LRIG1: variants seen among roughly 807,000 people sequenced by gnomAD.
LRIG1 encodes leucine rich repeats and immunoglobulin like domains 1.
Under a neutral mutation model 99.2 loss-of-function variants are expected in LRIG1, and 48 were observed. The observed-to-expected ratio is 0.48, with a 90% CI of 0.38 to 0.62. LRIG1 has a LOEUF of 0.62. Ranked by LOEUF, LRIG1 falls within the 20% of genes least tolerant of loss-of-function variation. The pLI, the probability that LRIG1 is intolerant of heterozygous loss-of-function variation, is 0.00. For missense variants in LRIG1, 1,646 were observed against 1,434.4 expected (o/e 1.15, Z -2.38); for synonymous variants, 772 against 596.1 (o/e 1.29, Z -4.30).
chr3:66,411,229 C>T (rs1479658714), intron 6 of LRIG1, among the ~76,000 whole-genome samples: 3 of 152,198 alleles, frequency 2.0e-5, no homozygotes, highest in African/African-American at 4.8e-5. Context: ...GTCCGTAACC[C>T]GAATTTTGCT....
intron 13 of LRIG1, among the ~76,000 whole-genome samples, chr3:66,385,225 C>G (rs888369603): frequency 1.3e-5 from 2 of 152,132 alleles, no homozygotes; most frequent in Non-Finnish European, 2.9e-5. Context: ...AAAAACCTGT[C>G]AACTGCCAGG....
At chr3:66,441,618 A>G (rs1026222711) in intron 3 of LRIG1, among the ~76,000 whole-genome samples, 2 of 152,188 alleles carry the variant, frequency 1.3e-5, no homozygotes, top group Non-Finnish European at 2.9e-5. Context: ...ACGCAGCACC[A>G]CTTTGGGAGA....
At chr3:66,405,160 C>G in intron 9 of LRIG1, 38 bp downstream of exon 9, 1 of 1,585,756 alleles carries the variant, frequency 6.3e-7, no homozygotes. Context: ...GTGTGTCCCG[C>G]GCATTTGCCG....
Position 66,379,523 on chromosome 3 carries a change from G to GTT in LRIG1, c.*738_*739dup, listed in dbSNP as rs1427133511. On this transcript the variant is annotated 3_prime_UTR_variant, in exon 19 of 19. Transcript: ENST00000273261. ...AAATAAGAGGAGGAGGAAAGGCAGTGTTTAACTGTTCTGACCTTTTGCTTG... is the reference window on the plus strand; with the variant it reads ...AAATAAGAGGAGGAGGAAAGGCAGTGTTTTTAACTGTTCTGACCTTTTGCTTG... 6.6e-6 allele frequency: 1 copy of GTT among 152,140 alleles called. No individual in the cohort carries two copies. Among genetic ancestry groups the GTT allele is most frequent in the Admixed American group, 6.5e-5 (1 of 15,284 alleles). 9.4% of individuals were successfully genotyped at this position (152,140 alleles called of 1,614,324 possible).
At chr3:66,405,987 C>T (rs1702255169) in intron 8 of LRIG1, 1 of 992,280 alleles carries the variant, frequency 1.0e-6, no homozygotes, top group African/African-American at 1.7e-5. Context: ...GACATCACAC[C>T]TGGAGACCAG....
intron 3 of LRIG1, among the ~76,000 whole-genome samples, chr3:66,444,413 T>C (rs980684971): frequency 1.3e-5 from 2 of 152,198 alleles, no homozygotes; most frequent in African/African-American, 4.8e-5. Context: ...ACCAGGGCCA[T>C]AGAGCCCCAC....
In LRIG1 at chr3:66,381,480, C is replaced by G. The variant is rs573436608; in HGVS notation, c.2769G>C (p.Met923Ile). Residue 923 changes from methionine to isoleucine, a missense_variant and splice_region_variant, in exon 17 of 19, where the codon ATG becomes ATC. By Grantham distance (10) the Met-to-Ile change is conservative. Transcript: ENST00000273261. ...KAEGTPGPHK[M>I]EHGGRVVCSD... Reference sequence around the variant, plus strand: ...CTTCCAATGGGAAGCATCTCATACCCATCTTATGTGGCCCAGGTGTCCCTT... The same window carrying G: ...CTTCCAATGGGAAGCATCTCATACCGATCTTATGTGGCCCAGGTGTCCCTT... 1.9e-6 allele frequency: 3 copies of G among 1,612,456 alleles called. No individual in the cohort carries two copies. The African/African-American group carries it at 4.0e-5, about 22-fold the overall frequency.
At chr3:66,472,329 A>AC (rs1700619266) in intron 1 of LRIG1, among the ~76,000 whole-genome samples, 1 of 136,528 alleles carries the variant, frequency 7.3e-6, no homozygotes, top group Admixed American at 7.4e-5. Flanking sequence ...AAAAAAAAAA[A>AC]AAAACACTAA....
At chr3:66,381,016 A>G (rs1227245607) in intron 17 of LRIG1, 155 bp from the exon 18 acceptor site, 3 of 721,506 alleles carry the variant, frequency 4.2e-6, no homozygotes, top group African/African-American at 1.8e-5. Flanking sequence ...ATGTCCCCAG[A>G]GAAAGGACTG....
intron 1 of LRIG1, among the ~76,000 whole-genome samples, chr3:66,483,305 C>T (rs1472193254): frequency 6.6e-6 from 1 of 152,184 alleles, no homozygotes; most frequent in Non-Finnish European, 1.5e-5. Context: ...GATGGAGATC[C>T]TGCGTGTCTG....
At chr3:66,387,512 A>C (rs913476290) in intron 12 of LRIG1, 18 of 152,204 alleles carry the variant, frequency 1.2e-4, no homozygotes, top group African/African-American at 3.6e-4. Flanking sequence ...GACGGACTTT[A>C]TATAGCCTTT....
At chr3:66,395,405 G>A (rs150377478) in intron 11 of LRIG1, among the ~76,000 whole-genome samples, 1 of 152,188 alleles carries the variant, frequency 6.6e-6, no homozygotes, top group Non-Finnish European at 1.5e-5. Flanking sequence ...CAGCAAGGAA[G>A]AATGAAGTGT....
At chr3:66,415,524 C>G (rs776474504) in intron 4 of LRIG1, among the ~76,000 whole-genome samples, 9 of 152,194 alleles carry the variant, frequency 5.9e-5, no homozygotes, top group Non-Finnish European at 1.3e-4. Flanking sequence ...TGAGGTGGGT[C>G]TTGCTATATG....
At position 66,399,166 on chromosome 3, in the gene LRIG1, T is replaced by C. The variant is rs2107983703; in HGVS notation, c.1161-125A>G. The C allele has an allele frequency of 7.8e-6, 6 of 769,286 alleles. No homozygotes were observed. The East Asian group carries it at 1.6e-4, about 21-fold the overall frequency. 47.7% of individuals were successfully genotyped at this position (769,286 alleles called of 1,614,324 possible). A position where few individuals can be genotyped will look rare whatever the true frequency, so the allele number is the denominator to read the frequency against. ...AGTGCTACCTGATAAGTCTGTCCAG[T>C]GAGGGGCAGGTGGAAAGCTGACCTG... On this transcript the variant is annotated intron_variant, in intron 9 of 18. Transcript: ENST00000273261.
rs569919321 is a variant in LRIG1 at position 66,380,756 on chromosome 3, G to A, written c.2876C>T (p.Pro959Leu). ...CGGCTCCGGGCCATTTGGCGCACTT[G>A]GCTGTGCGCTGTCTCTGGACACAGG... is the stretch of plus-strand genomic sequence containing the variant. ...PQPVSRDSAQ[P>L]SAPNGPEPGG... Residue 959 changes from proline to leucine, a missense_variant, in exon 18 of 19, where the codon CCA becomes CTA. Physicochemically the swap from Pro to Leu is moderately conservative, Grantham distance 98 (BLOSUM62 -3). Transcript: ENST00000273261. The A allele has an allele frequency of 2.5e-6, 4 of 1,614,210 alleles. No individual in the cohort carries two copies. In the South Asian group the frequency reaches 4.4e-5, roughly 18 times the overall value.
At chr3:66,495,476 AAGTT>A (rs1332386071) in intron 1 of LRIG1, among the ~76,000 whole-genome samples, 1 of 152,212 alleles carries the variant, frequency 6.6e-6, no homozygotes, top group Non-Finnish European at 1.5e-5. Context: ...AAGGAATTGA[AAGTT>A]AGGCTTGCTC....
At chr3:66,454,969 T>G (rs1211698943) in intron 2 of LRIG1, among the ~76,000 whole-genome samples, 3 of 152,064 alleles carry the variant, frequency 2.0e-5, no homozygotes, top group African/African-American at 7.2e-5. Context: ...TGAGACGGAG[T>G]CTCGCTCTGT....
intron 1 of LRIG1, among the ~76,000 whole-genome samples, chr3:66,485,406 T>TAC: frequency 6.6e-6 from 1 of 152,160 alleles, no homozygotes; most frequent in East Asian, 1.9e-4. Context: ...GAGTTAAAAA[T>TAC]ACACCACTCG....
chr3:66,398,142 G>C lies in LRIG1; in HGVS notation c.1274C>G (p.Ala425Gly), dbSNP rs1308106730. 6.2e-7 allele frequency: 1 copy of C among 1,613,826 alleles called. No homozygotes were observed. Among genetic ancestry groups the C allele is most frequent in the Admixed American group, 1.7e-5 (1 of 60,002 alleles). ...TTTAAGATTCTTCATCTTCACAAAGGCATCAAACTGGACAGATCTGATCGC... is the reference window on the plus strand; with the variant it reads ...TTTAAGATTCTTCATCTTCACAAAGCCATCAAACTGGACAGATCTGATCGC... Reference protein sequence around the residue: ...GNAIRSVQFDAFVKMKNLKEL... With the variant: ...GNAIRSVQFDGFVKMKNLKEL... Residue 425 changes from alanine (A) to glycine (G), a missense_variant, in exon 11 of 19, where the codon GCC becomes GGC. Transcript: ENST00000273261.
Sources: allele counts gnomAD v4.1 joint callset (sites outside exome capture counted in the v4.1 genomes callset), GRCh38; gene constraint gnomAD v4.1.1; transcripts MANE v1.5; gene names NCBI Gene and HGNC (gene_info 2026-07-23, HGNC 2026-07-21).